Variants in CNIH3 observed in about 807,000 individuals in gnomAD.
CNIH3 encodes the protein protein cornichon homolog 3.
Under a neutral mutation model 24.1 loss-of-function variants are expected in CNIH3, and 14 were observed. That is an observed-to-expected ratio of 0.58 (90% CI 0.38 to 0.91). CNIH3 has a LOEUF of 0.91. Among genes scored for constraint, CNIH3 ranks in the 40% least tolerant of loss-of-function variants. The pLI, the probability that CNIH3 is intolerant of heterozygous loss-of-function variation, is 0.00. For missense variants in CNIH3, 178 were observed against 196.8 expected (o/e 0.90, Z 0.57); for synonymous variants, 68 against 73.8 (o/e 0.92, Z 0.40).
At chr1:224,615,088 C>A (rs925484341), upstream of CNIH3, 1 of 152,188 alleles carries the variant, frequency 6.6e-6, no homozygotes, top group Admixed American at 6.5e-5. Flanking sequence ...AGCTGTATCT[C>A]TATCTTGCTG....
rs183761138 is a variant in CNIH3, at chr1:224,719,950, C to G, written c.199-10512C>G. 2.2e-3 allele frequency among the ~76,000 whole-genome samples: 342 copies of G among 152,298 alleles called. 1 individual carries two copies. Among genetic ancestry groups the G allele is most frequent in the Middle Eastern group, 0.014 (4 of 294 alleles). ...TTGGACAAACACATATGCATGTGCT[C>G]GAATTCAGACAACCCCCTCTGCCTG... On this transcript the variant is annotated intron_variant, in intron 3 of 5. Transcript: ENST00000272133.
intron 1 of CNIH3, among the ~76,000 whole-genome samples, chr1:224,487,291 T>G (rs1677065725): frequency 1.3e-5 from 2 of 152,200 alleles, no homozygotes; most frequent in Non-Finnish European, 2.9e-5. Context: ...GTAGACAGGT[T>G]GGTTCTCAGA....
At chr1:224,720,663 A>G (rs1425351797) in intron 3 of CNIH3, among the ~76,000 whole-genome samples, 2 of 152,086 alleles carry the variant, frequency 1.3e-5, no homozygotes, top group East Asian at 3.9e-4. Context: ...CTGAGTAACT[A>G]GAGGCAGAAG....
chr1:224,578,542 T>G (rs767833288), intron 4 of CNIH3, among the ~76,000 whole-genome samples: 1 of 152,206 alleles, frequency 6.6e-6, no homozygotes, highest in African/African-American at 2.4e-5. Context: ...TCTTTCTTAG[T>G]GAGTCTCTCA....
In CNIH3 at chr1:224,533,062, G is replaced by A. The variant is rs990114084; in HGVS notation, n.344-3874G>A. Among the ~76,000 whole-genome samples the A allele has an allele frequency of 2.6e-5, 4 of 152,110 alleles. No individual in the cohort carries two copies. The East Asian group carries it at 7.7e-4, about 29-fold the overall frequency. The stretch of plus-strand genomic sequence containing the variant: ...ATTTATGTGGGCTGGCATCATTCAG[G>A]AACCTTCAAGGAACAGAGAAACCTG... On this transcript the variant is annotated intron_variant and non_coding_transcript_variant, in intron 2 of 2. Transcript: ENST00000470602.
At position 224,458,654 on chromosome 1, in the gene CNIH3, T is replaced by A. The variant is rs902259076; in HGVS notation, n.203+23792T>A. On this transcript the variant is annotated intron_variant and non_coding_transcript_variant, in intron 1 of 5. Coordinates refer to the CNIH3 transcript ENST00000471578. This position sits in a 1 kb window ranked among gnomAD's most constrained non-coding sequence, Gnocchi z 4.3. Reference sequence around the variant, plus strand: ...AATGATAACATACTGAACTCACTTTTATGAATTTGTTGAGACCTTACCACT... The same window carrying A: ...AATGATAACATACTGAACTCACTTTAATGAATTTGTTGAGACCTTACCACT... Among the ~76,000 whole-genome samples the A allele has an allele frequency of 6.6e-6, 1 of 152,224 alleles. No homozygotes were observed. Among genetic ancestry groups the A allele is most frequent in the Non-Finnish European group, 1.5e-5 (1 of 68,042 alleles).
chr1:224,728,104 A>T (rs1170919198), intron 3 of CNIH3, among the ~76,000 whole-genome samples: 2 of 152,176 alleles, frequency 1.3e-5, no homozygotes, highest in Non-Finnish European at 2.9e-5. Flanking sequence ...TGTCATTGGA[A>T]TTGGAGATGG....
At chr1:224,673,794 G>A (rs931179263) in intron 1 of CNIH3, among the ~76,000 whole-genome samples, 24 of 148,150 alleles carry the variant, frequency 1.6e-4, no homozygotes, top group African/African-American at 6.0e-4. Flanking sequence ...TACATCGTGG[G>A]TATCTAGTCA....
At chr1:224,515,383 C>T (rs899889108), upstream of CNIH3, among the ~76,000 whole-genome samples, 7 of 152,182 alleles carry the variant, frequency 4.6e-5, no homozygotes, top group Non-Finnish European at 7.3e-5. Context: ...TTTAAAATGT[C>T]TTGTTAACTG....
At chr1:224,723,643 C>T (rs545320445) in intron 3 of CNIH3, among the ~76,000 whole-genome samples, 71 of 152,382 alleles carry the variant, frequency 4.7e-4, no homozygotes, top group Non-Finnish European at 9.4e-4. Context: ...CTCACTCAGG[C>T]AGACAACTGT....
chr1:224,631,030 G>C (rs539237790), intron 1 of CNIH3, among the ~76,000 whole-genome samples: 3 of 151,976 alleles, frequency 2.0e-5, no homozygotes, highest in Admixed American at 6.6e-5. Context: ...GTGGTGGTGC[G>C]TGCCTGTCAT....
At chr1:224,655,845 A>G (rs1685071405) in intron 1 of CNIH3, among the ~76,000 whole-genome samples, 1 of 152,190 alleles carries the variant, frequency 6.6e-6, no homozygotes, top group South Asian at 2.1e-4. Flanking sequence ...GAGTGTAACT[A>G]TGCATGGGAA....
At chr1:224,647,301 C>T (rs752159084) in intron 1 of CNIH3, among the ~76,000 whole-genome samples, 1 of 152,220 alleles carries the variant, frequency 6.6e-6, no homozygotes, top group Non-Finnish European at 1.5e-5. Flanking sequence ...CATTTCAGTG[C>T]CTCTCTGGGC....
intron 2 of CNIH3, among the ~76,000 whole-genome samples, chr1:224,543,893 G>A (rs2124953484): frequency 6.6e-6 from 1 of 152,150 alleles, no homozygotes; most frequent in East Asian, 1.9e-4. Flanking sequence ...AGTACTGTTG[G>A]TCTGGTTCAC....
intron 1 of CNIH3, among the ~76,000 whole-genome samples, chr1:224,478,052 T>C (rs1328420333): frequency 6.6e-6 from 1 of 152,220 alleles, no homozygotes; most frequent in East Asian, 1.9e-4. Flanking sequence ...CATTGTATGT[T>C]ATTTGTTTCT....
At chr1:224,622,564 C>T (rs1211279422) in intron 1 of CNIH3, among the ~76,000 whole-genome samples, 1 of 152,194 alleles carries the variant, frequency 6.6e-6, no homozygotes, top group African/African-American at 2.4e-5. Flanking sequence ...GAGAAGTGTG[C>T]AGAATTCACA....
chr1:224,732,652 C>T (rs1689398538), intron 4 of CNIH3, among the ~76,000 whole-genome samples: 1 of 152,170 alleles, frequency 6.6e-6, no homozygotes, highest in African/African-American at 2.4e-5. Flanking sequence ...TCTTCTCCTC[C>T]AGGAAAGGAG....
chr1:224,639,386 G>A (rs569502196), intron 1 of CNIH3, among the ~76,000 whole-genome samples: 25 of 152,362 alleles, frequency 1.6e-4, no homozygotes, highest in Middle Eastern at 3.4e-3. Context: ...CCTCTTAGGG[G>A]CCTGCGGGCC....
At chr1:224,694,450 C>A (rs77088962) in intron 3 of CNIH3, among the ~76,000 whole-genome samples, 1 of 152,086 alleles carries the variant, frequency 6.6e-6, no homozygotes, top group East Asian at 1.9e-4. Flanking sequence ...ATTAAACATA[C>A]GACTCCGCAA....
Sources: allele counts gnomAD v4.1 joint callset (sites outside exome capture counted in the v4.1 genomes callset), GRCh38; gene constraint gnomAD v4.1.1; non-coding constraint Gnocchi (gnomAD v3.1); transcripts MANE v1.5; gene names NCBI Gene and HGNC (gene_info 2026-07-23, HGNC 2026-07-21).